PHF14: variants seen among roughly 807,000 people sequenced by gnomAD.
PHF14 encodes the protein PHD finger protein 14.
PHF14 carries 55 observed loss-of-function variants against 117.9 expected under a neutral mutation model. The observed-to-expected ratio is 0.47, with a 90% confidence interval of 0.38 to 0.58. PHF14 has a LOEUF of 0.58. Ranked by LOEUF, PHF14 falls within the 20% of genes least tolerant of loss-of-function variation. The probability of loss-of-function intolerance (pLI) is 0.00; values close to 1 mark genes in which losing one functional copy is unlikely to be tolerated. For missense variants in PHF14, 978 were observed against 1,122.2 expected (o/e 0.87, Z 1.84); for synonymous variants, 409 against 368.6 (o/e 1.11, Z -1.26).
chr7:11,135,271 G>T (rs568693029), intron 17 of PHF14, among the ~76,000 whole-genome samples: 15 of 152,044 alleles, frequency 9.9e-5, no homozygotes, highest in Non-Finnish European at 1.9e-4. Context: ...TTGAGGGGGG[G>T]TTCTTTTGTC....
chr7:11,034,933 G>A (rs1784263853), intron 7 of PHF14, among the ~76,000 whole-genome samples: 1 of 151,834 alleles, frequency 6.6e-6, no homozygotes, highest in African/African-American at 2.4e-5. Flanking sequence ...CTAGTTGAAT[G>A]TTGTTGTTTT....
chr7:11,056,651 G>A (rs1484189699), intron 14 of PHF14, among the ~76,000 whole-genome samples: 3 of 151,516 alleles, frequency 2.0e-5, no homozygotes, highest in Non-Finnish European at 2.9e-5. Context: ...AATATTTCAT[G>A]AACTTTAACT....
chr7:10,991,324 C>T (rs182234243), intron 4 of PHF14, among the ~76,000 whole-genome samples: 55 of 152,024 alleles, frequency 3.6e-4, no homozygotes, highest in African/African-American at 1.1e-3. Context: ...ATTACAGGCA[C>T]GAGCCACCAT....
intron 13 of PHF14, among the ~76,000 whole-genome samples, chr7:11,043,026 T>C (rs1264134564): frequency 6.6e-6 from 1 of 152,042 alleles, no homozygotes. Context: ...ATCTTAGCAA[T>C]AGATTCTTCT....
chr7:11,047,164 G>C (rs890333772), intron 13 of PHF14, among the ~76,000 whole-genome samples: 1 of 151,884 alleles, frequency 6.6e-6, no homozygotes, highest in Non-Finnish European at 1.5e-5. Flanking sequence ...TGCCTCCTGG[G>C]TGCAAGCAAT....
intron 4 of PHF14, among the ~76,000 whole-genome samples, chr7:10,998,291 C>T (rs1782735656): frequency 6.6e-6 from 1 of 152,020 alleles, no homozygotes; most frequent in Non-Finnish European, 1.5e-5. Flanking sequence ...TTCTTGTTTT[C>T]TCAGTGAAAT....
At chr7:11,142,641 A>C (rs900131333) in intron 17 of PHF14, among the ~76,000 whole-genome samples, 1 of 152,098 alleles carries the variant, frequency 6.6e-6, no homozygotes, top group African/African-American at 2.4e-5. Context: ...ACCTATCATC[A>C]TCATAAACTT....
rs1562428190 is a variant in PHF14 at position 11,028,672 on chromosome 7, T to G, written c.1318-9T>G. ...TTGCTTTGAGAATTTTTCTGTTACT[T>G]TGTTGTAGGAGTGTAGCTTTTGTGA... On this transcript the variant is annotated splice_polypyrimidine_tract_variant and intron_variant, in intron 6 of 17. Transcript: ENST00000634607. 2 of 1,613,054 alleles carry G rather than the reference T, an allele frequency of 1.2e-6. No homozygotes were observed. Among genetic ancestry groups the G allele is most frequent in the Non-Finnish European group, 1.7e-6 (2 of 1,179,440 alleles).
chr7:10,978,107 A>G (rs983847031), intron 2 of PHF14, among the ~76,000 whole-genome samples: 9 of 152,182 alleles, frequency 5.9e-5, no homozygotes, highest in Non-Finnish European at 1.3e-4. Flanking sequence ...TTGCCAGGAA[A>G]TAATTTAATG....
At position 11,052,662 on chromosome 7, in the gene PHF14, G is replaced by A. The variant is rs75658225; in HGVS notation, c.2481+882G>A. Among the ~76,000 whole-genome samples, 50 of 152,184 alleles carry A rather than the reference G, an allele frequency of 3.3e-4. 1 individual carries two copies. The East Asian group carries it at 6.6e-3, about 20-fold the overall frequency. On this transcript the variant is annotated intron_variant, in intron 14 of 17. Coordinates refer to ENST00000634607, the MANE Select transcript of PHF14 (RefSeq NM_001007157.2). ...TTTAATGCTTTCCAGTGTGGTACAGGGAAAATAGTATCTTGACATTTTATG... is the reference window on the plus strand; with the variant it reads ...TTTAATGCTTTCCAGTGTGGTACAGAGAAAATAGTATCTTGACATTTTATG...
chr7:11,015,414 T>C (rs1022712418), intron 5 of PHF14, among the ~76,000 whole-genome samples: 7 of 152,156 alleles, frequency 4.6e-5, no homozygotes, highest in Admixed American at 2.6e-4. Flanking sequence ...AAATAAAATA[T>C]ATAACAAATG....
intron 17 of PHF14, among the ~76,000 whole-genome samples, chr7:11,122,446 TATATATATATTG>T: frequency 7.1e-6 from 1 of 141,740 alleles, no homozygotes; most frequent in Non-Finnish European, 1.5e-5. Flanking sequence ...TATATACGTA[TATATATATATTG>T]TGTGTGTGTG....
chr7:11,146,231 A>G (rs1256752223), intron 17 of PHF14, among the ~76,000 whole-genome samples: 1 of 152,186 alleles, frequency 6.6e-6, no homozygotes, highest in Non-Finnish European at 1.5e-5. Context: ...TTTTGAAAAT[A>G]TGCCACAGGA....
intron 2 of PHF14, among the ~76,000 whole-genome samples, chr7:10,979,494 C>G (rs1288818564): frequency 6.6e-6 from 1 of 150,910 alleles, no homozygotes; most frequent in African/African-American, 2.4e-5. Context: ...TTGAAATTAA[C>G]TCTTTCTGCC....
intron 16 of PHF14, chr7:11,103,526 A>G: frequency 1.0e-6 from 1 of 985,276 alleles, no homozygotes; most frequent in Non-Finnish European, 1.2e-6. Context: ...AAGTATGTTG[A>G]ATATTTCATC....
At chr7:11,108,115 T>C (rs186241546) in intron 16 of PHF14, 14 of 151,816 alleles carry the variant, frequency 9.2e-5, no homozygotes, top group East Asian at 1.9e-4. Flanking sequence ...GTATCTCTTA[T>C]ATTTGTCCAC....
At chr7:11,013,929 T>A in intron 5 of PHF14, 23 bp downstream of exon 5, 1 of 1,539,370 alleles carries the variant, frequency 6.5e-7, no homozygotes, top group Non-Finnish European at 8.9e-7. Flanking sequence ...ATTATGTTGG[T>A]TCATATGTTT....
chr7:10,985,638 G>GTTTTTTTTTTTTT (rs61250143), intron 3 of PHF14, among the ~76,000 whole-genome samples: 1 of 45,962 alleles, frequency 2.2e-5, no homozygotes, highest in African/African-American at 7.6e-5. Context: ...TTCTCAAACT[G>GTTTTTTTTTTTTT]TTTTTTTTTT....
chr7:11,066,888 C>T (rs1785441011), intron 16 of PHF14, among the ~76,000 whole-genome samples: 1 of 152,052 alleles, frequency 6.6e-6, no homozygotes, highest in African/African-American at 2.4e-5. Flanking sequence ...AACAGCTTGT[C>T]CATTTTCATT....
Sources: allele counts gnomAD v4.1 joint callset (sites outside exome capture counted in the v4.1 genomes callset), GRCh38; gene constraint gnomAD v4.1.1; transcripts MANE v1.5; gene names NCBI Gene and HGNC (gene_info 2026-07-23, HGNC 2026-07-21).